SDK1: variants seen among roughly 807,000 people sequenced by gnomAD.
The protein encoded by SDK1 is protein sidekick-1.
In SDK1, 157 loss-of-function variants were observed where a neutral mutation model predicts 245.5. The observed-to-expected ratio is 0.64, with a 90% CI of 0.56 to 0.73. SDK1 has a LOEUF of 0.73. SDK1 is among the 30% of genes least tolerant of loss of function. The probability of loss-of-function intolerance (pLI) is 0.00; values close to 1 mark genes in which losing one functional copy is unlikely to be tolerated. For synonymous variants in SDK1, 1,647 were observed against 1,278.5 expected (o/e 1.29, Z -6.15); for missense variants, 3,583 against 3,002.3 (o/e 1.19, Z -4.52).
Position 3,741,596 on chromosome 7 carries a change from T to G in SDK1, c.714-79854T>G, listed in dbSNP as rs1057398764. On this transcript the variant is annotated intron_variant, in intron 4 of 44. Transcript: ENST00000404826. ...CTTTAATACTACAGATTTGTGCTTTTTGAACTCAGCATGCAGATTTATGTA... is the reference window on the plus strand; with the variant it reads ...CTTTAATACTACAGATTTGTGCTTTGTGAACTCAGCATGCAGATTTATGTA... Among the ~76,000 whole-genome samples, 4 of 152,336 alleles carry G rather than the reference T, an allele frequency of 2.6e-5. No individual in the cohort carries two copies. In the East Asian group the frequency reaches 7.7e-4, roughly 29 times the overall value.
At chr7:3,793,981 C>T (rs911257018) in intron 4 of SDK1, among the ~76,000 whole-genome samples, 2 of 152,170 alleles carry the variant, frequency 1.3e-5, no homozygotes, top group Admixed American at 6.5e-5. Flanking sequence ...TCTAAGGGCA[C>T]CTCCAACCCC....
At chr7:3,537,767 G>T (rs1778928979) in intron 1 of SDK1, among the ~76,000 whole-genome samples, 1 of 152,168 alleles carries the variant, frequency 6.6e-6, no homozygotes, top group South Asian at 2.1e-4. Context: ...CCTTGAGCTG[G>T]TCAGGTTCCC....
chr7:3,849,363 G>A (rs1356968375), intron 5 of SDK1, among the ~76,000 whole-genome samples: 7 of 152,220 alleles, frequency 4.6e-5, no homozygotes, highest in Admixed American at 2.0e-4. Flanking sequence ...CTCCCCTTTC[G>A]ACCTTGTATC....
intron 1 of SDK1, among the ~76,000 whole-genome samples, chr7:3,510,803 C>T (rs1193959059): frequency 4.6e-5 from 7 of 152,182 alleles, no homozygotes; most frequent in Admixed American, 2.6e-4. Flanking sequence ...GGCCTGGATA[C>T]GTTCATGGAG....
intron 12 of SDK1, 76 bp downstream of exon 12, chr7:3,971,644 G>C (rs1782495574): frequency 3.4e-5 from 36 of 1,069,004 alleles, no homozygotes; most frequent in Non-Finnish European, 4.9e-5. Context: ...GAGATGAGGA[G>C]GAAGAATTGG....
chr7:4,053,350 C>A (rs187289797), intron 19 of SDK1, among the ~76,000 whole-genome samples: 1 of 140,632 alleles, frequency 7.1e-6, no homozygotes, highest in African/African-American at 3.1e-5. Flanking sequence ...CGTGTCCTTA[C>A]GCTTGCCTCT....
intron 4 of SDK1, among the ~76,000 whole-genome samples, chr7:3,817,730 A>T (rs12155211): frequency 2.0e-5 from 3 of 152,070 alleles, no homozygotes; most frequent in Non-Finnish European, 2.9e-5. Context: ...CATCATCTCA[A>T]TGCAGGTGGT....
intron 43 of SDK1, 135 bp downstream of exon 43, chr7:4,242,048 G>A: frequency 8.6e-6 from 9 of 1,051,784 alleles, no homozygotes; most frequent in Non-Finnish European, 1.2e-5. Context: ...ACCGCCAAGT[G>A]CGCTCCCAAA....
chr7:3,709,410 C>G (rs1047171407), intron 4 of SDK1, among the ~76,000 whole-genome samples: 16 of 152,186 alleles, frequency 1.1e-4, no homozygotes, highest in Admixed American at 2.0e-4. Flanking sequence ...CCCCACCCCT[C>G]CCTGTATCAG....
intron 1 of SDK1, among the ~76,000 whole-genome samples, chr7:3,495,724 C>T (rs1782005670): frequency 6.6e-6 from 1 of 152,250 alleles, no homozygotes; most frequent in Non-Finnish European, 1.5e-5. Context: ...CCCTCCCTGC[C>T]CTCTCCACAT....
chr7:4,193,366 A>ATTT (rs1783346757), intron 35 of SDK1, among the ~76,000 whole-genome samples: 1 of 79,998 alleles, frequency 1.3e-5, no homozygotes, highest in Non-Finnish European at 2.2e-5. Context: ...ATATATATTA[A>ATTT]AATATTTATA....
chr7:4,059,690 G>C (rs937277429), intron 19 of SDK1, among the ~76,000 whole-genome samples: 7 of 152,082 alleles, frequency 4.6e-5, no homozygotes, highest in Non-Finnish European at 1.0e-4. Flanking sequence ...CCTATGTTAG[G>C]ACACAAAGCA....
intron 5 of SDK1, among the ~76,000 whole-genome samples, chr7:3,911,396 A>C (rs1457019262): frequency 6.6e-6 from 1 of 152,134 alleles, no homozygotes; most frequent in African/African-American, 2.4e-5. Flanking sequence ...ACAGTTCTGG[A>C]GGCTGTGAAG....
At chr7:3,808,674 T>C (rs896663803) in intron 4 of SDK1, among the ~76,000 whole-genome samples, 7 of 152,114 alleles carry the variant, frequency 4.6e-5, no homozygotes, top group African/African-American at 1.4e-4. Context: ...CTGATGGCTG[T>C]TTGATACATC....
At chr7:4,006,474 G>A (rs1261249013) in intron 14 of SDK1, among the ~76,000 whole-genome samples, 2 of 152,196 alleles carry the variant, frequency 1.3e-5, no homozygotes, top group Non-Finnish European at 2.9e-5. Context: ...GGACCGGCTG[G>A]GGGCGGACCC....
chr7:4,115,776 G>A (rs182348900), intron 25 of SDK1, among the ~76,000 whole-genome samples: 228 of 152,304 alleles, frequency 1.5e-3, no homozygotes, highest in Middle Eastern at 6.8e-3. Context: ...CTACAATGCC[G>A]TGCAAAGAGA....
intron 16 of SDK1, among the ~76,000 whole-genome samples, chr7:4,013,372 A>G (rs1007175405): frequency 1.3e-5 from 2 of 152,254 alleles, no homozygotes; most frequent in African/African-American, 4.8e-5. Flanking sequence ...AATAGATTGC[A>G]CCACTGTGGA....
At chr7:3,814,571 G>T (rs1403449559) in intron 4 of SDK1, among the ~76,000 whole-genome samples, 1 of 151,706 alleles carries the variant, frequency 6.6e-6, no homozygotes, top group African/African-American at 2.4e-5. Context: ...TGTTCTTTTG[G>T]CTTAGGATTG....
At chr7:3,856,393 G>C (rs924638893) in intron 5 of SDK1, among the ~76,000 whole-genome samples, 19 of 147,264 alleles carry the variant, frequency 1.3e-4, no homozygotes, top group Non-Finnish European at 1.5e-5. Context: ...AGTTCAAATA[G>C]ATTAATAATC....
Sources: allele counts gnomAD v4.1 joint callset (sites outside exome capture counted in the v4.1 genomes callset), GRCh38; gene constraint gnomAD v4.1.1; transcripts MANE v1.5; gene names NCBI Gene and HGNC (gene_info 2026-07-23, HGNC 2026-07-21).